The following ABCA7 variants were observed in gnomAD, a reference collection of about 807,000 sequenced individuals.
The protein encoded by ABCA7 is phospholipid-transporting ATPase ABCA7.
ABCA7 carries 261 observed loss-of-function variants against 227.6 expected under a neutral mutation model. That is an observed-to-expected ratio of 1.15 (90% CI 1.04 to 1.27). ABCA7 has a LOEUF of 1.27. Ranked by LOEUF, ABCA7 falls within the 50% of genes most tolerant of loss-of-function variation. The pLI, the probability that ABCA7 is intolerant of heterozygous loss-of-function variation, is 0.00. For missense variants in ABCA7, 3,331 were observed against 2,924.5 expected (o/e 1.14, Z -3.21); for synonymous variants, 1,488 against 1,279.7 (o/e 1.16, Z -3.47).
rs2042895310 is a variant in ABCA7 at position 1,064,376 on chromosome 19, G to A, written c.6044+123G>A. 6.2e-6 allele frequency: 7 copies of A among 1,128,548 alleles called. No individual in the cohort carries two copies. The South Asian group carries it at 1.1e-4, about 18-fold the overall frequency. The allele number at this position is 1,128,548 out of a possible 1,614,324, so 69.9% of individuals were successfully genotyped here. A position where few individuals can be genotyped will look rare whatever the true frequency, so the allele number is the denominator to read the frequency against. The stretch of plus-strand genomic sequence containing the variant: ...GGCTCCAACTGGAGAGATGGCCAAG[G>A]CTTTAGATTGTCCTGCAGGGGTGAC... On this transcript the variant is annotated intron_variant, in intron 45 of 46. Coordinates refer to ENST00000263094, the MANE Select transcript of ABCA7 (RefSeq NM_019112.4).
In ABCA7 at chr19:1,064,915, G is replaced by T; in HGVS notation, c.6045-16G>T. ...GGAAAGGCCCGATCCGGTAGCCCTGGCCCCACTCACTGCAGATTCGCGGCG... is the reference window on the plus strand; with the variant it reads ...GGAAAGGCCCGATCCGGTAGCCCTGTCCCCACTCACTGCAGATTCGCGGCG... On this transcript the variant is annotated splice_polypyrimidine_tract_variant and intron_variant, in intron 45 of 46. Transcript: ENST00000263094. The T allele has an allele frequency of 6.4e-7, 1 of 1,556,792 alleles. No individual in the cohort carries two copies. Among genetic ancestry groups the T allele is most frequent in the Admixed American group, 1.9e-5 (1 of 52,692 alleles).
Position 1,048,505 on chromosome 19 carries a change from AAAAAC to A in ABCA7, c.2270-385_2270-381del, listed in dbSNP as rs1208509284. Among the ~76,000 whole-genome samples the A allele has an allele frequency of 1.0e-3, 134 of 128,916 alleles. 2 individuals are homozygous for A. Among genetic ancestry groups the A allele is most frequent in the East Asian group, 2.0e-3 (9 of 4,474 alleles). 84.6% of individuals were successfully genotyped at this position (128,916 alleles called of 152,430 possible). On this transcript the variant is annotated intron_variant, in intron 16 of 46. Transcript: ENST00000263094. ...GAGTGAAACTCAGTCTCAAAAAAAA[AAAAAC>A]AAAAAAAAAAAAAACAAGGCCGGGC...
intron 6 of ABCA7, 55 bp from the exon 7 acceptor site, chr19:1,042,691 T>G (rs2040181152): frequency 6.4e-7 from 1 of 1,556,832 alleles, no homozygotes; most frequent in Non-Finnish European, 8.9e-7. Flanking sequence ...GCCAGAGCGC[T>G]GGACCCCTAG....
At chr19:1,052,357 AG>A in intron 23 of ABCA7, 71 bp downstream of exon 23, 1 of 227,052 alleles carries the variant, frequency 4.4e-6, no homozygotes, top group Non-Finnish European at 6.9e-6. Flanking sequence ...GAGGAGGAGG[AG>A]GGGGAGGGGG....
At chr19:1,044,439 G>A (rs1258343340) in intron 10 of ABCA7, 138 bp from the exon 11 acceptor site, 2 of 967,850 alleles carry the variant, frequency 2.1e-6, no homozygotes, top group Non-Finnish European at 3.0e-6. Flanking sequence ...GTAGAGATGG[G>A]CTTTCACCAT....
chr19:1,054,163 C>G lies in ABCA7; in HGVS notation c.3578-30C>G. 1 of 1,611,940 alleles carries G rather than the reference C, an allele frequency of 6.2e-7. No homozygotes were observed. Among genetic ancestry groups the G allele is most frequent in the Non-Finnish European group, 8.5e-7 (1 of 1,179,422 alleles). ...CCTCCCAGCCACCCCCCCACAGCAGCGTGAGCACTGACCCTCTCATCCCTC... is the reference window on the plus strand; with the variant it reads ...CCTCCCAGCCACCCCCCCACAGCAGGGTGAGCACTGACCCTCTCATCCCTC... On this transcript the variant is annotated intron_variant, in intron 26 of 46. Coordinates refer to ENST00000263094, the MANE Select transcript of ABCA7 (RefSeq NM_019112.4). This position sits in a 1 kb window ranked among gnomAD's most constrained non-coding sequence, Gnocchi z 4.8.
chr19:1,045,325 T>G, intron 12 of ABCA7, 94 bp downstream of exon 12: 2 of 1,220,722 alleles, frequency 1.6e-6, no homozygotes, highest in East Asian at 5.1e-5. Flanking sequence ...TTGGAGACCA[T>G]GATAGACAGG....
At chr19:1,055,865 C>G in intron 30 of ABCA7, 42 bp from the exon 31 acceptor site, 1 of 1,535,116 alleles carries the variant, frequency 6.5e-7, no homozygotes, top group Non-Finnish European at 8.8e-7. Flanking sequence ...CTCTCTGTCC[C>G]ACATCCCTGT....
chr19:1,042,906 C>CG (rs1272629019), intron 7 of ABCA7, 80 bp downstream of exon 7: 1 of 1,512,730 alleles, frequency 6.6e-7, no homozygotes, highest in Admixed American at 2.2e-5. Context: ...TGGGGCAGCC[C>CG]GGGCACTTCC....
rs762340515 is a variant in ABCA7, at chr19:1,049,053, T to TC, written c.2380+55dup. 2,652 of 1,090,102 alleles carry TC rather than the reference T, an allele frequency of 2.4e-3. 13 individuals are homozygous for TC. Among genetic ancestry groups the TC allele is most frequent in the Non-Finnish European group, 3.1e-3 (2,314 of 755,386 alleles). 67.5% of individuals were successfully genotyped at this position (1,090,102 alleles called of 1,614,324 possible). ...AGCTGGTTGTCCACATATGCCCAGT[T>TC]CCCCCCCAAAACGAGATTCCACAGA... On this transcript the variant is annotated intron_variant, in intron 17 of 46. Coordinates refer to ENST00000263094, the MANE Select transcript of ABCA7 (RefSeq NM_019112.4).
In ABCA7 at chr19:1,049,356, T is replaced by C. The variant is rs757369928; in HGVS notation, c.2471T>C (p.Leu824Pro). ...TTTCCTGGAAGCCCGCAGCCAGCCCTGCGGGGGCTCAGCCTGGACTTCTAC... is the reference window on the plus strand; with the variant it reads ...TTTCCTGGAAGCCCGCAGCCAGCCCCGCGGGGGCTCAGCCTGGACTTCTAC... ...KRFPGSPQPA[L>P]RGLSLDFYQG... Residue 824 changes from leucine (L) to proline (P), a missense_variant, in exon 18 of 47, where the codon CTG becomes CCG. Physicochemically the swap from Leu to Pro is moderately conservative, Grantham distance 98 (BLOSUM62 -3). Transcript: ENST00000263094. The C allele has an allele frequency of 7.4e-6, 12 of 1,611,406 alleles. No homozygotes were observed. Among genetic ancestry groups the C allele is most frequent in the Admixed American group, 1.7e-5 (1 of 59,928 alleles).
At chr19:1,064,353 C>A in intron 45 of ABCA7, 100 bp downstream of exon 45, 1 of 1,302,286 alleles carries the variant, frequency 7.7e-7, no homozygotes, top group Non-Finnish European at 1.0e-6. Flanking sequence ...GAAAGTTTGG[C>A]TCCAACTGGA....
rs1167601179 is a variant in ABCA7, at chr19:1,055,347, C to T, written c.4201C>T (p.Gln1401Ter). The change falls in exon 30 of 47, where the codon CAG (glutamine) becomes TAG (stop). Residue 1401 changes from glutamine (Q) to a stop codon, truncating the protein, a stop_gained. Coordinates refer to ENST00000263094, the MANE Select transcript of ABCA7 (RefSeq NM_019112.4). LOFTEE classifies it high-confidence loss of function. ...LVKTYPRLVR[Q>*]GLKTKKWVNE... Reference sequence around the variant, plus strand: ...CAAGACCTACCCGCGCCTGGTGCGCCAGGGGTGAGCCATGCCCTGGGACTC... The same window carrying T: ...CAAGACCTACCCGCGCCTGGTGCGCTAGGGGTGAGCCATGCCCTGGGACTC... 1 of 1,578,696 alleles carries T rather than the reference C, an allele frequency of 6.3e-7. No individual in the cohort carries two copies. The highest frequency in any genetic ancestry group is 8.6e-7 in the Non-Finnish European group (1 of 1,164,524).
Position 1,062,411 on chromosome 19 carries a change from G to T in ABCA7, c.5712+98G>T, listed in dbSNP as rs112533382. On this transcript the variant is annotated intron_variant, in intron 42 of 46. Coordinates refer to ENST00000263094, the MANE Select transcript of ABCA7 (RefSeq NM_019112.4). ...GCCCAATCCCGCACTCTCTCGCCTT[G>T]GCTCCATCCCTGTCCCTGCCCCCAG... is the stretch of plus-strand genomic sequence containing the variant. 8.6e-5 allele frequency: 131 copies of T among 1,531,198 alleles called. 1 individual carries two copies. The African/African-American group carries it at 1.3e-3, about 15-fold the overall frequency. The allele number at this position is 1,531,198 out of a possible 1,614,324, so 94.9% of individuals were successfully genotyped here.
At chr19:1,046,061 G>C (rs1462438753) in intron 12 of ABCA7, among the ~76,000 whole-genome samples, 169 bp from the exon 13 acceptor site, 1 of 152,216 alleles carries the variant, frequency 6.6e-6, no homozygotes, top group African/African-American at 2.4e-5. Flanking sequence ...GCCGAGCTGG[G>C]GGGATCGTTT....
In ABCA7 at chr19:1,042,999, A is replaced by C. The variant is rs573653257; in HGVS notation, c.580-42A>C. The stretch of plus-strand genomic sequence containing the variant: ...GTGCCCTGCCCTGGTTAGGGCTTGG[A>C]GGTGGGATCATTGCCAGCTCCGTCT... On this transcript the variant is annotated intron_variant, in intron 7 of 46. Transcript: ENST00000263094. 30 of 1,564,400 alleles carry C rather than the reference A, an allele frequency of 1.9e-5. No individual in the cohort carries two copies. The South Asian group carries it at 3.3e-4, about 17-fold the overall frequency.
rs911106807 is a variant in ABCA7, at chr19:1,056,520, T to C, written c.4586+21T>C. The C allele has an allele frequency of 7.5e-6, 12 of 1,599,508 alleles. No homozygotes were observed. Among genetic ancestry groups the C allele is most frequent in the East Asian group, 4.5e-5 (2 of 44,306 alleles). On this transcript the variant is annotated intron_variant, in intron 33 of 46. Transcript: ENST00000263094. The surrounding 1 kb of genome is among the most constrained non-coding windows in gnomAD (Gnocchi z 4.3). Reference sequence around the variant, plus strand: ...GCACTGTGAGTCCCTCCACCCTGCATGTCCTACCCTGCACGTCCTACCCTG... The same window carrying C: ...GCACTGTGAGTCCCTCCACCCTGCACGTCCTACCCTGCACGTCCTACCCTG...
At chr19:1,044,793 C>T (rs772177954) in intron 11 of ABCA7, 49 bp downstream of exon 11, 4 of 1,546,518 alleles carry the variant, frequency 2.6e-6, no homozygotes, top group African/African-American at 1.4e-5. Flanking sequence ...GAGGGCAGGT[C>T]CCATCCTAGT....
At position 1,046,279 on chromosome 19, in the gene ABCA7, G is replaced by T; in HGVS notation, c.1495G>T (p.Val499Leu). 1 of 1,606,650 alleles carries T rather than the reference G, an allele frequency of 6.2e-7. No homozygotes were observed. The highest frequency in any genetic ancestry group is 2.2e-5 in the East Asian group (1 of 44,876). The change falls in exon 13 of 47, where the codon GTG becomes TTG. Residue 499 changes from valine (V) to leucine (L), a missense_variant. Val to Leu is a conservative substitution (Grantham distance 32). Transcript: ENST00000263094. ...GGACCCCCTGACCGACCTGCGCTAC[G>T]TGTGGGGCGGCTTCGTGTACCTGCA... ...AADPLTDLRY[V>L]WGGFVYLQDL...
Sources: gnomAD v4.1 joint callset for allele counts (sites outside exome capture counted in the v4.1 genomes callset) on GRCh38, gnomAD v4.1.1 for gene constraint, Gnocchi (gnomAD v3.1) non-coding constraint, MANE v1.5 for transcripts, NCBI Gene and HGNC (gene_info 2026-07-23, HGNC 2026-07-21) for gene names.